Variants in STK32C observed in about 807,000 individuals in gnomAD.
STK32C encodes the protein serine/threonine kinase 32C.
Under a neutral mutation model 56.5 loss-of-function variants are expected in STK32C, and 31 were observed. The observed-to-expected ratio is 0.55, with a 90% CI of 0.41 to 0.74. STK32C has a LOEUF of 0.74. Among genes scored for constraint, STK32C ranks in the 30% least tolerant of loss-of-function variants. The probability of loss-of-function intolerance (pLI) is 0.00; values close to 1 mark genes in which losing one functional copy is unlikely to be tolerated. For missense variants in STK32C, 544 were observed against 676.9 expected (o/e 0.80, Z 2.18); for synonymous variants, 309 against 289.4 (o/e 1.07, Z -0.69).
chr10:132,222,927 C>A lies in STK32C; in HGVS notation c.1053G>T (p.Pro351=). ...GGTCCCACAGCACGCCGGCCAGCGC[C>A]GGGGCTGCCTGCACGTCCTGGAGGC... The part of the protein sequence containing the change: ...LSSLQDVQAA[P]ALAGVLWDHL... The change falls in exon 9 of 12, where the codon CCG becomes CCT. Residue 351 remains proline (P), a synonymous_variant. Transcript: ENST00000298630. 6.4e-7 allele frequency: 1 copy of A among 1,558,032 alleles called. No homozygotes were observed. Among genetic ancestry groups the A allele is most frequent in the Non-Finnish European group, 8.7e-7 (1 of 1,155,180 alleles).
intron 2 of STK32C, among the ~76,000 whole-genome samples, chr10:132,236,531 C>T (rs1014301199): frequency 5.3e-5 from 8 of 152,186 alleles, no homozygotes; most frequent in African/African-American, 1.4e-4. Context: ...CTCGCGGGCT[C>T]GCTGCAGGAC....
At position 132,232,168 on chromosome 10, in the gene STK32C, T is replaced by C. The variant is rs1366975001; in HGVS notation, c.319-4040A>G. ...AGCAGCCCACTTCCCCTAATCTCCT[T>C]CACCATTTTCTGACCCAGGCCAGCA... On this transcript the variant is annotated intron_variant, in intron 2 of 11. Coordinates refer to ENST00000298630, the MANE Select transcript of STK32C (RefSeq NM_173575.4). Among the ~76,000 whole-genome samples the C allele has an allele frequency of 6.0e-5, 9 of 149,840 alleles. No homozygotes were observed. The East Asian group carries it at 1.8e-3, about 30-fold the overall frequency.
intron 1 of STK32C, among the ~76,000 whole-genome samples, chr10:132,302,764 C>T (rs1289381899): frequency 2.0e-5 from 3 of 152,220 alleles, no homozygotes; most frequent in Admixed American, 1.3e-4. Context: ...AAGGACAACC[C>T]GTCCATACCA....
Position 132,222,844 on chromosome 10 carries a change from G to A in STK32C, c.1119+17C>T, listed in dbSNP as rs1206317000. The A allele has an allele frequency of 6.3e-7, 1 of 1,589,808 alleles. No individual in the cohort carries two copies. The highest frequency in any genetic ancestry group is 1.1e-5 in the South Asian group (1 of 88,008). On this transcript the variant is annotated intron_variant, in intron 9 of 11. Coordinates refer to ENST00000298630, the MANE Select transcript of STK32C (RefSeq NM_173575.4). ...TCCATCCCCAGGGCCCCCCACCTGA[G>A]CCGCCCACAGGCTTACGTTGGGCAC... is the stretch of plus-strand genomic sequence containing the variant.
chr10:132,269,657 C>T (rs2064752451), intron 1 of STK32C, among the ~76,000 whole-genome samples: 1 of 152,230 alleles, frequency 6.6e-6, no homozygotes, highest in Non-Finnish European at 1.5e-5. Flanking sequence ...TGAGACAGAC[C>T]CCAGGCTGTC....
intron 10 of STK32C, among the ~76,000 whole-genome samples, chr10:132,213,975 GAA>G (rs1011149232): frequency 2.1e-5 from 3 of 144,230 alleles, no homozygotes; most frequent in East Asian, 2.0e-4. Context: ...AATGCAAAGA[GAA>G]AAAAAAAAGA....
intron 1 of STK32C, among the ~76,000 whole-genome samples, chr10:132,295,757 G>A (rs143770538): frequency 3.5e-4 from 53 of 152,212 alleles, no homozygotes; most frequent in African/African-American, 9.1e-4. Context: ...GGTGGCGCAC[G>A]CCTGTAATCC....
At chr10:132,256,426 G>T (rs11146268) in intron 1 of STK32C, among the ~76,000 whole-genome samples, 40,697 of 152,088 alleles carry the variant, frequency 0.27, 5,869 homozygotes, top group Non-Finnish European at 0.34. Context: ...AAATTGTCTG[G>T]AATCATGTTC....
intron 1 of STK32C, among the ~76,000 whole-genome samples, chr10:132,271,211 G>A (rs2064810117): frequency 6.6e-6 from 1 of 152,178 alleles, no homozygotes; most frequent in East Asian, 1.9e-4. Context: ...ATCCAGAAGA[G>A]TGTCCCTGGG....
Position 132,258,110 on chromosome 10 carries a change from C to T in STK32C, c.263-12155G>A, listed in dbSNP as rs527966698. 2.0e-5 allele frequency among the ~76,000 whole-genome samples: 3 copies of T among 152,346 alleles called. No homozygotes were observed. The East Asian group carries it at 5.8e-4, about 29-fold the overall frequency. ...CGGCTGAGTGGCCCCCCAGGACCTCCCCGGGAGCAACAGCAAGTGTCCCAG... is the reference window on the plus strand; with the variant it reads ...CGGCTGAGTGGCCCCCCAGGACCTCTCCGGGAGCAACAGCAAGTGTCCCAG... On this transcript the variant is annotated intron_variant, in intron 1 of 11. Coordinates refer to ENST00000298630, the MANE Select transcript of STK32C (RefSeq NM_173575.4).
downstream of STK32C, among the ~76,000 whole-genome samples, chr10:132,321,765 G>C (rs1490414928): frequency 1.3e-5 from 2 of 152,154 alleles, no homozygotes; most frequent in East Asian, 3.9e-4. Context: ...GCGGAGGGTT[G>C]GTCATTCATT....
intron 10 of STK32C, among the ~76,000 whole-genome samples, chr10:132,210,737 C>G (rs149892744): frequency 6.6e-6 from 1 of 152,246 alleles, no homozygotes; most frequent in Non-Finnish European, 1.5e-5. Context: ...CCTCTTCCCA[C>G]GAGGAAGGAA....
chr10:132,307,920 G>T lies in STK32C; in HGVS notation c.-87C>A. The T allele has an allele frequency of 9.2e-7, 1 of 1,083,378 alleles. No homozygotes were observed. Among genetic ancestry groups the T allele is most frequent in the Middle Eastern group, 4.6e-4 (1 of 2,192 alleles). The allele number at this position is 1,083,378 out of a possible 1,614,324, so 67.1% of individuals were successfully genotyped here. On this transcript the variant is annotated 5_prime_UTR_variant, in exon 1 of 12. Transcript: ENST00000298630. The surrounding 1 kb of genome is among the most constrained non-coding windows in gnomAD (Gnocchi z 4.4). Reference sequence around the variant, plus strand: ...AGCGGCAGTGGTAGCGGGAGCGCTCGGGGCCGGCAGCGCCCGCCGTGCGCT... The same window carrying T: ...AGCGGCAGTGGTAGCGGGAGCGCTCTGGGCCGGCAGCGCCCGCCGTGCGCT...
chr10:132,331,911 C>A, upstream of STK32C: 6 of 804,882 alleles, frequency 7.5e-6, no homozygotes, highest in South Asian at 1.2e-4. Context: ...CGCAGGCGCA[C>A]CACAACCCCC....
chr10:132,247,473 C>A (rs555922266), intron 1 of STK32C, among the ~76,000 whole-genome samples: 1 of 152,294 alleles, frequency 6.6e-6, no homozygotes, highest in African/African-American at 2.4e-5. Flanking sequence ...GGCTTCAGGG[C>A]TCCGAGCACA....
chr10:132,241,585 G>A (rs1041942422), intron 2 of STK32C, among the ~76,000 whole-genome samples: 1 of 152,170 alleles, frequency 6.6e-6, no homozygotes, highest in South Asian at 2.1e-4. Context: ...ATCCCAGCGG[G>A]GTTACTTTCG....
chr10:132,240,338 C>T (rs773906647), intron 2 of STK32C, among the ~76,000 whole-genome samples: 34 of 152,224 alleles, frequency 2.2e-4, no homozygotes, highest in Non-Finnish European at 4.0e-4. Context: ...CACGGTGTCA[C>T]AGTCACACAT....
upstream of STK32C, chr10:132,308,110 G>C (rs2066141976): frequency 6.7e-6 from 1 of 149,430 alleles, no homozygotes; most frequent in Non-Finnish European, 1.4e-5. Flanking sequence ...GTAGGGGCGG[G>C]GCCGAGCCGG....
chr10:132,226,159 A>G (rs934035441), intron 4 of STK32C, among the ~76,000 whole-genome samples: 7 of 152,216 alleles, frequency 4.6e-5, no homozygotes, highest in African/African-American at 7.2e-5. Context: ...TTCCAGGTAC[A>G]CAGCCAGTGC....
Sources: gnomAD v4.1 joint callset for allele counts (sites outside exome capture counted in the v4.1 genomes callset) on GRCh38, gnomAD v4.1.1 for gene constraint, Gnocchi (gnomAD v3.1) non-coding constraint, MANE v1.5 for transcripts, NCBI Gene and HGNC (gene_info 2026-07-23, HGNC 2026-07-21) for gene names.